The following PHF3 variants were observed in gnomAD, a reference collection of about 807,000 sequenced individuals.
The protein encoded by PHF3 is PHD finger protein 3.
A neutral mutation model predicts 178.4 loss-of-function variants in PHF3; 41 were observed. That is an observed-to-expected ratio of 0.23 (90% CI 0.18 to 0.30). PHF3 has a LOEUF of 0.30. PHF3 is among the 10% of genes least tolerant of loss of function. The pLI is 1.00. For missense variants in PHF3, 2,346 were observed against 2,398.1 expected (o/e 0.98, Z 0.45); for synonymous variants, 842 against 800.5 (o/e 1.05, Z -0.88).
chr6:63,713,208 C>A lies in PHF3; in HGVS notation c.5620C>A (p.Gln1874Lys), dbSNP rs1448497431. 8 of 1,613,942 alleles carry A rather than the reference C, an allele frequency of 5.0e-6. 1 individual carries two copies. The Admixed American group carries it at 5.0e-5, about 10-fold the overall frequency. Residue 1874 changes from glutamine (Q) to lysine (K), a missense_variant, in exon 16 of 16, where the codon CAA becomes AAA. By Grantham distance (53) the Gln-to-Lys change is moderately conservative. Coordinates refer to ENST00000262043, the MANE Select transcript of PHF3 (RefSeq NM_001370348.2). ...ACAGCGTATGATGGGTCCTCTCTCA[C>A]AAGCATCAAGGTATATAGGCCCGCA... is the stretch of plus-strand genomic sequence containing the variant. ...QPQRMMGPLS[Q>K]ASRYIGPQNF...
intron 4 of PHF3, among the ~76,000 whole-genome samples, chr6:63,688,322 T>C (rs1410056892): frequency 8.7e-4 from 1 of 1,154 alleles, no homozygotes; most frequent in Non-Finnish European, 1.9e-3. Context: ...CCCTTCCCCC[T>C]CCCTTCCCCT....
chr6:63,666,909 G>A (rs1765705780), intron 2 of PHF3, among the ~76,000 whole-genome samples: 1 of 151,910 alleles, frequency 6.6e-6, no homozygotes, highest in Admixed American at 6.6e-5. Flanking sequence ...GTGCCACCAT[G>A]CCCAGCTAGT....
At chr6:63,665,043 CT>C (rs1291057893) in intron 2 of PHF3, among the ~76,000 whole-genome samples, 1 of 151,952 alleles carries the variant, frequency 6.6e-6, no homozygotes, top group African/African-American at 2.4e-5. Context: ...ATTCACTGAA[CT>C]TTTTTATTTG....
At chr6:63,681,486 C>G (rs1766435225) in intron 3 of PHF3, among the ~76,000 whole-genome samples, 1 of 151,798 alleles carries the variant, frequency 6.6e-6, no homozygotes, top group South Asian at 2.1e-4. Flanking sequence ...TTTATTTTGC[C>G]TACTTCCTAC....
rs112151639 is a variant in PHF3 at position 63,702,570 on chromosome 6, T to C, written c.3162T>C (p.Thr1054=). 1 of 1,613,098 alleles carries C rather than the reference T, an allele frequency of 6.2e-7. No homozygotes were observed. Among genetic ancestry groups the C allele is most frequent in the Non-Finnish European group, 8.5e-7 (1 of 1,179,330 alleles). ...EVERRPITKI[T]HKGEIEIESD... is the part of the protein sequence containing the mutation. ...AACGACGGCCAATCACCAAAATAAC[T>C]CATAAAGGTGAAATAGAAATTGAGA... The change falls in exon 10 of 16, where the codon ACT becomes ACC. Residue 1054 remains threonine (T), a synonymous_variant. Coordinates refer to ENST00000262043, the MANE Select transcript of PHF3 (RefSeq NM_001370348.2).
chr6:63,709,293 A>G, intron 14 of PHF3, 53 bp downstream of exon 14: 9 of 1,202,004 alleles, frequency 7.5e-6, no homozygotes, highest in African/African-American at 3.0e-5. Context: ...TAGAAAGTAA[A>G]CAGTTTAGAA....
chr6:63,659,969 AG>A (rs1765396979), intron 2 of PHF3, among the ~76,000 whole-genome samples: 1 of 152,160 alleles, frequency 6.6e-6, no homozygotes, highest in Admixed American at 6.6e-5. Flanking sequence ...TGTTAAGATC[AG>A]TGCTCTAAAT....
At position 63,707,458 on chromosome 6, in the gene PHF3, A is replaced by G. The variant is rs188324732; in HGVS notation, c.3711+582A>G. Among the ~76,000 whole-genome samples, 3 of 152,350 alleles carry G rather than the reference A, an allele frequency of 2.0e-5. No individual in the cohort carries two copies. The East Asian group carries it at 5.8e-4, about 29-fold the overall frequency. The stretch of plus-strand genomic sequence containing the variant: ...AGAAAGAAACTATTATGTGGTATTT[A>G]TGGAAAATAAGCAGCAGTAACATTA... On this transcript the variant is annotated intron_variant, in intron 13 of 15. Coordinates refer to ENST00000262043, the MANE Select transcript of PHF3 (RefSeq NM_001370348.2).
At position 63,698,539 on chromosome 6, in the gene PHF3, C is replaced by T. The variant is rs936554756; in HGVS notation, c.2916C>T (p.Asp972=). 5 of 1,598,246 alleles carry T rather than the reference C, an allele frequency of 3.1e-6. No homozygotes were observed. The South Asian group carries it at 3.4e-5, about 11-fold the overall frequency. The change falls in exon 8 of 16, where the codon GAC becomes GAT. Residue 972 remains aspartate, a synonymous_variant. Transcript: ENST00000262043. ...IEKELFSFFR[D]TDAKYKNKYR... is the part of the protein sequence containing the mutation. ...AAGAGCTTTTCTCTTTTTTTCGGGA[C>T]ACAGATGCTAAATATAAGAACAAAT... is the stretch of plus-strand genomic sequence containing the variant.
chr6:63,674,213 A>G (rs1189730783), intron 2 of PHF3, among the ~76,000 whole-genome samples: 3 of 109,772 alleles, frequency 2.7e-5, no homozygotes, highest in Non-Finnish European at 3.8e-5. Flanking sequence ...AGACAATATG[A>G]AGCCCTTTGC....
At position 63,712,987 on chromosome 6, in the gene PHF3, C is replaced by T; in HGVS notation, c.5399C>T (p.Pro1800Leu). 2 of 1,613,972 alleles carry T rather than the reference C, an allele frequency of 1.2e-6. No individual in the cohort carries two copies. The highest frequency in any genetic ancestry group is 1.7e-6 in the Non-Finnish European group (2 of 1,179,948). The change falls in exon 16 of 16, where the codon CCA becomes CTA. Residue 1800 changes from proline to leucine, a missense_variant. By Grantham distance (98) the Pro-to-Leu change is moderately conservative. This residue lies in a region of PHF3 where 839 missense variants were observed against 806.9 expected (regional missense o/e 1.04). Coordinates refer to ENST00000262043, the MANE Select transcript of PHF3 (RefSeq NM_001370348.2). The part of the protein sequence containing the change: ...RTSTNFSPMR[P>L]QQPNLQHLKS... ...AGTACAAACTTTTCACCCATGAGGC[C>T]ACAGCAGCCCAACCTTCAGCATCTC...
At chr6:63,669,212 C>A (rs1334628651) in intron 2 of PHF3, among the ~76,000 whole-genome samples, 1 of 152,158 alleles carries the variant, frequency 6.6e-6, no homozygotes, top group Non-Finnish European at 1.5e-5. Context: ...AAGAAACTGA[C>A]ATTTAAAAAA....
rs758832087 is a variant in PHF3 at position 63,715,376 on chromosome 6, T to G, written c.*1668T>G. 7.2e-5 allele frequency: 11 copies of G among 152,260 alleles called. No homozygotes were observed. Among genetic ancestry groups the G allele is most frequent in the Non-Finnish European group, 1.3e-4 (9 of 68,010 alleles). 9.4% of individuals were successfully genotyped at this position (152,260 alleles called of 1,614,324 possible). ...GTTCCCAAACAAAACAAAATCTAAG[T>G]TATAATTTGCACCATTACAAAGAAA... On this transcript the variant is annotated 3_prime_UTR_variant, in exon 16 of 16. Transcript: ENST00000262043.
intron 1 of PHF3, among the ~76,000 whole-genome samples, chr6:63,637,095 T>C (rs1764375099): frequency 6.6e-6 from 1 of 152,344 alleles, no homozygotes; most frequent in African/African-American, 2.4e-5. Context: ...ACTGCTTTAA[T>C]ATTCTAGTCC....
At chr6:63,638,925 G>A (rs1423242924) in intron 1 of PHF3, among the ~76,000 whole-genome samples, 1 of 152,106 alleles carries the variant, frequency 6.6e-6, no homozygotes, top group African/African-American at 2.4e-5. Flanking sequence ...GAGTATTGAT[G>A]TGATTAAACA....
rs149317475 is a variant in PHF3 at position 63,715,456 on chromosome 6, C to T, written c.*1748C>T. On this transcript the variant is annotated 3_prime_UTR_variant, in exon 16 of 16. Coordinates refer to ENST00000262043, the MANE Select transcript of PHF3 (RefSeq NM_001370348.2). The stretch of plus-strand genomic sequence containing the variant: ...ACATTTCAATTTCAAATGTGTATAT[C>T]GTCAATAAATCTACCTTTACTGATA... 5.0e-4 allele frequency: 76 copies of T among 152,206 alleles called. No homozygotes were observed. The highest frequency in any genetic ancestry group is 6.8e-3 in the Middle Eastern group (2 of 294). 9.4% of individuals were successfully genotyped at this position (152,206 alleles called of 1,614,324 possible).
rs1561988676 is a variant in PHF3, at chr6:63,713,710, AT to A, written c.*5del. ...GACAGAACTAAAAGCAAAAGGTAAA[AT>A]TTGCAGGCTGCTTCAGGATTACATT... is the stretch of plus-strand genomic sequence containing the variant. On this transcript the variant is annotated 3_prime_UTR_variant, in exon 16 of 16. Transcript: ENST00000262043. The A allele has an allele frequency of 2.6e-6, 4 of 1,545,984 alleles. No individual in the cohort carries two copies. The highest frequency in any genetic ancestry group is 4.4e-5 in the Admixed American group (2 of 45,070).
At chr6:63,661,239 T>C (rs945630419) in intron 2 of PHF3, among the ~76,000 whole-genome samples, 1 of 152,186 alleles carries the variant, frequency 6.6e-6, no homozygotes, top group African/African-American at 2.4e-5. Context: ...CTATGTATGT[T>C]ATTCATACCG....
At chr6:63,702,663 T>C (rs1767524369) in intron 10 of PHF3, 24 bp downstream of exon 10, 2 of 1,587,402 alleles carry the variant, frequency 1.3e-6, no homozygotes, top group East Asian at 2.2e-5. Flanking sequence ...TGCCATGTTT[T>C]ATAGCTCAAA....
Sources: gnomAD v4.1 joint callset for allele counts (sites outside exome capture counted in the v4.1 genomes callset) on GRCh38, gnomAD v4.1.1 for gene constraint, gnomAD v4.1.1 regional missense constraint, MANE v1.5 for transcripts, NCBI Gene and HGNC (gene_info 2026-07-23, HGNC 2026-07-21) for gene names.